Variants in CALCOCO2 observed in about 807,000 individuals in gnomAD.
CALCOCO2 encodes calcium binding and coiled-coil domain 2, also known as calcium-binding and coiled-coil domain-containing protein 2.
A neutral mutation model predicts 62.5 loss-of-function variants in CALCOCO2; 42 were observed. That is an observed-to-expected ratio of 0.67 (90% CI 0.53 to 0.87). The LOEUF (loss-of-function observed/expected upper bound fraction) is 0.87, where lower values mean the gene tolerates loss of function less well. CALCOCO2 is among the 40% of genes least tolerant of loss of function. The pLI is 0.00. For synonymous variants in CALCOCO2, 167 were observed against 173.0 expected (o/e 0.97, Z 0.27); for missense variants, 456 against 515.0 (o/e 0.89, Z 1.11).
At chr17:48,838,568 G>A (rs999961242) in intron 1 of CALCOCO2, among the ~76,000 whole-genome samples, 1 of 151,942 alleles carries the variant, frequency 6.6e-6, no homozygotes, top group Non-Finnish European at 1.5e-5. Flanking sequence ...CAAAAAACTG[G>A]CCGGGCATGG....
chr17:48,843,733 T>A (rs1404519595), intron 2 of CALCOCO2, among the ~76,000 whole-genome samples: 1 of 152,360 alleles, frequency 6.6e-6, no homozygotes, highest in Non-Finnish European at 1.5e-5. Context: ...TTCTTCCTCA[T>A]ATGTAGCAAA....
At chr17:48,860,629 A>C (rs2040313171) in intron 11 of CALCOCO2, among the ~76,000 whole-genome samples, 180 bp downstream of exon 11, 1 of 152,224 alleles carries the variant, frequency 6.6e-6, no homozygotes, top group Non-Finnish European at 1.5e-5. Flanking sequence ...ATAAATCTGA[A>C]TCCAGAAGAC....
chr17:48,845,320 GGTGTGTGTGT>G (rs55686005), intron 2 of CALCOCO2, among the ~76,000 whole-genome samples: 16,078 of 137,184 alleles, frequency 0.12, 1,641 homozygotes, highest in African/African-American at 0.29. Context: ...CTATGTTGAG[GGTGTGTGTGT>G]GTGTGTGTGT....
intron 1 of CALCOCO2, among the ~76,000 whole-genome samples, chr17:48,838,361 A>C (rs972984524): frequency 1.3e-5 from 2 of 151,850 alleles, no homozygotes; most frequent in Non-Finnish European, 2.9e-5. Flanking sequence ...CTGCTTGTGG[A>C]TTTCATTTCT....
At chr17:48,851,020 GC>G (rs2040121990) in intron 5 of CALCOCO2, 68 bp from the exon 6 acceptor site, 13 of 815,570 alleles carry the variant, frequency 1.6e-5, no homozygotes, top group Non-Finnish European at 2.8e-5. Flanking sequence ...AATATTTGTT[GC>G]CTGCCTAAGA....
At chr17:48,845,537 C>T (rs1363515343) in intron 2 of CALCOCO2, among the ~76,000 whole-genome samples, 6 of 150,008 alleles carry the variant, frequency 4.0e-5, no homozygotes, top group Admixed American at 2.0e-4. Context: ...CAAGACCAGC[C>T]GGACCAACAT....
At chr17:48,837,007 T>C (rs2039902703) in intron 1 of CALCOCO2, among the ~76,000 whole-genome samples, 2 of 152,166 alleles carry the variant, frequency 1.3e-5, no homozygotes. Context: ...GTGATCTGCC[T>C]GCCTTGGCCT....
intron 10 of CALCOCO2, among the ~76,000 whole-genome samples, chr17:48,856,986 G>A (rs1450696563): frequency 1.3e-5 from 2 of 151,018 alleles, no homozygotes; most frequent in Non-Finnish European, 2.9e-5. Context: ...ATTTTTAGTA[G>A]AGACAAGGTC....
intron 6 of CALCOCO2, 43 bp from the exon 7 acceptor site, chr17:48,851,516 T>C (rs368811835): frequency 9.7e-6 from 11 of 1,138,618 alleles, no homozygotes; most frequent in Non-Finnish European, 1.5e-5. Context: ...GTAGCTGACC[T>C]GGAATCAGTG....
At chr17:48,853,385 C>A (rs2040161399) in intron 9 of CALCOCO2, 1 of 161,032 alleles carries the variant, frequency 6.2e-6, no homozygotes, top group Non-Finnish European at 1.4e-5. Flanking sequence ...CAAAGCAAAT[C>A]TTGTTATAAT....
intron 1 of CALCOCO2, among the ~76,000 whole-genome samples, chr17:48,839,670 C>CTTTTTTTTTTTTTTTTTTTTTTTT (rs766846336): frequency 1.5e-5 from 1 of 66,172 alleles, no homozygotes; most frequent in Admixed American, 2.0e-4. Context: ...CTTTGCTTTG[C>CTTTTTTTTTTTTTTTTTTTTTTTT]TTTTTTTTTT....
At chr17:48,856,433 A>G (rs2040215932) in intron 10 of CALCOCO2, 3 of 485,962 alleles carry the variant, frequency 6.2e-6, no homozygotes, top group Non-Finnish European at 1.2e-5. Context: ...ACACTGATGA[A>G]GACCTAACTT....
Position 48,852,536 on chromosome 17 carries a change from G to A in CALCOCO2, c.733G>A (p.Glu245Lys), listed in dbSNP as rs773391033. Reference protein sequence around the residue: ...AQLSTQEKEMEKLVQGDQDKT... With the variant: ...AQLSTQEKEMKKLVQGDQDKT... ...GCTGTCAACTCAAGAGAAAGAAATG[G>A]AGAAGCTTGTTCAGGGAGATCAAGA... is the stretch of plus-strand genomic sequence containing the variant. Residue 245 changes from glutamate to lysine, a missense_variant, in exon 8 of 13, where the codon GAG (glutamate) becomes AAG (lysine). Glu to Lys is a moderately conservative substitution (Grantham distance 56). This residue lies in a region of CALCOCO2 where 236 missense variants were observed against 225.3 expected (regional missense o/e 1.05). Coordinates refer to ENST00000258947, the MANE Select transcript of CALCOCO2 (RefSeq NM_005831.5). 1.2e-6 allele frequency: 2 copies of A among 1,613,512 alleles called. No homozygotes were observed.
chr17:48,859,036 ACT>A (rs1226134775), intron 10 of CALCOCO2, among the ~76,000 whole-genome samples: 112 of 105,450 alleles, frequency 1.1e-3, no homozygotes, highest in Admixed American at 3.1e-3. Flanking sequence ...ACAGAGCAAG[ACT>A]CTGTCTCAAA....
At chr17:48,838,703 G>A (rs2039931623) in intron 1 of CALCOCO2, among the ~76,000 whole-genome samples, 1 of 152,028 alleles carries the variant, frequency 6.6e-6, no homozygotes, top group Non-Finnish European at 1.5e-5. Context: ...GACAAAGCGA[G>A]ACTCTGTCTT....
intron 1 of CALCOCO2, chr17:48,831,351 TGGCGGCGGCGAGGGTCTTGA>T (rs2039808551): frequency 6.6e-6 from 1 of 152,190 alleles, no homozygotes; most frequent in African/African-American, 2.4e-5. Flanking sequence ...GTGACACCCC[TGGCGGCGGCGAGGGTCTTGA>T]GGCGGCGGCT....
chr17:48,852,243 A>G (rs1470862770), intron 7 of CALCOCO2: 1 of 344,132 alleles, frequency 2.9e-6, no homozygotes, highest in African/African-American at 2.1e-5. Context: ...ACAATCATCT[A>G]TATCAATAAT....
intron 5 of CALCOCO2, 156 bp from the exon 6 acceptor site, chr17:48,850,933 A>G (rs1175274952): frequency 4.1e-6 from 2 of 490,370 alleles, no homozygotes; most frequent in Non-Finnish European, 7.4e-6. Flanking sequence ...AAAAAAAAAA[A>G]GAACATTTTC....
intron 2 of CALCOCO2, 119 bp from the exon 3 acceptor site, chr17:48,847,945 G>T (rs2040074652): frequency 3.1e-6 from 2 of 639,312 alleles, no homozygotes; most frequent in Non-Finnish European, 2.8e-6. Context: ...ATGAGCCACT[G>T]CACCCGGCCT....
Sources: allele counts gnomAD v4.1 joint callset (sites outside exome capture counted in the v4.1 genomes callset), GRCh38; gene constraint gnomAD v4.1.1; regional missense constraint gnomAD v4.1.1; transcripts MANE v1.5; gene names NCBI Gene and HGNC (gene_info 2026-07-23, HGNC 2026-07-21).